TASP1: variants seen among roughly 807,000 people sequenced by gnomAD.
The protein encoded by TASP1 is threonine aspartase 1.
TASP1 carries 16 observed loss-of-function variants against 56.6 expected under a neutral mutation model. The ratio of observed to expected loss-of-function variants is 0.28; its 90% confidence interval spans 0.19 to 0.43. The LOEUF (loss-of-function observed/expected upper bound fraction) is 0.43. TASP1 is among the 20% of genes least tolerant of loss of function. TASP1 has a pLI of 1.00. For synonymous variants in TASP1, 179 were observed against 184.2 expected, an observed-to-expected ratio of 0.97 and a Z score of 0.23; for missense variants, 393 against 511.6, an observed-to-expected ratio of 0.77 and a Z score of 2.24.
chr20:13,297,711 G>A, the TASP1 span, among the ~76,000 whole-genome samples: 2 of 152,168 alleles, frequency 1.3e-5, no homozygotes, highest in African/African-American at 2.4e-5. Context: ...AGCATAATTC[G>A]ATCTTTTGGT....
intron 4 of TASP1, among the ~76,000 whole-genome samples, chr20:13,604,987 C>CATATATATAT (rs3042652): frequency 1.2e-3 from 173 of 140,462 alleles, no homozygotes; most frequent in Non-Finnish European, 2.1e-3. Context: ...AGACATAATA[C>CATATATATAT]ATATATATAT....
intron 11 of TASP1, among the ~76,000 whole-genome samples, chr20:13,447,415 G>A (rs953778619): frequency 2.6e-5 from 4 of 152,124 alleles, no homozygotes; most frequent in East Asian, 1.9e-4. Context: ...TTACAGTAAG[G>A]CAACCCCCAA....
chr20:13,139,805 CATAA>C, the TASP1 span, among the ~76,000 whole-genome samples: 3 of 152,162 alleles, frequency 2.0e-5, no homozygotes, highest in Admixed American at 6.5e-5. Flanking sequence ...CTATTTTCTT[CATAA>C]ATAAACTCTT....
At position 13,390,317 on chromosome 20, in the gene TASP1, G is replaced by C. The variant is rs1200229907; in HGVS notation, c.*43C>G. 2 of 1,567,346 alleles carry C rather than the reference G, an allele frequency of 1.3e-6. No individual in the cohort carries two copies. Among genetic ancestry groups the C allele is most frequent in the Non-Finnish European group, 1.8e-6 (2 of 1,141,524 alleles). On this transcript the variant is annotated 3_prime_UTR_variant, in exon 14 of 14. Coordinates refer to ENST00000337743, the MANE Select transcript of TASP1 (RefSeq NM_017714.3). Reference sequence around the variant, plus strand: ...CAGTTAAAAACCCCCAAAAGCTCAGGTTCTGAAATGCCTCTGAGACGCTTC... The same window carrying C: ...CAGTTAAAAACCCCCAAAAGCTCAGCTTCTGAAATGCCTCTGAGACGCTTC...
At chr20:13,282,796 A>G in the TASP1 span, among the ~76,000 whole-genome samples, 1 of 152,176 alleles carries the variant, frequency 6.6e-6, no homozygotes, top group Non-Finnish European at 1.5e-5. Context: ...GTTAAAATGC[A>G]CCTTCGATGC....
chr20:13,602,210 C>T (rs1247862248), intron 4 of TASP1, among the ~76,000 whole-genome samples: 1 of 151,978 alleles, frequency 6.6e-6, no homozygotes, highest in Admixed American at 6.6e-5. Context: ...ATGACAAAAA[C>T]ATCATACAAA....
At chr20:13,533,929 A>G in intron 9 of TASP1, 93 bp downstream of exon 9, 2 of 1,399,000 alleles carry the variant, frequency 1.4e-6, no homozygotes, top group South Asian at 2.8e-5. Context: ...ATTTTTTCTA[A>G]AGAAAAAATG....
At chr20:13,117,315 T>A in the TASP1 span, among the ~76,000 whole-genome samples, 1 of 152,224 alleles carries the variant, frequency 6.6e-6, no homozygotes, top group Admixed American at 6.5e-5. Context: ...AATTATTTTA[T>A]CCAAGTAGCA....
chr20:13,553,801 G>A (rs191253506), intron 8 of TASP1, among the ~76,000 whole-genome samples: 121 of 152,230 alleles, frequency 7.9e-4, no homozygotes, highest in African/African-American at 2.8e-3. Context: ...GCTATACACT[G>A]TAAACGACCT....
At chr20:13,508,479 G>A (rs574687520) in intron 10 of TASP1, among the ~76,000 whole-genome samples, 5 of 152,046 alleles carry the variant, frequency 3.3e-5, no homozygotes, top group Non-Finnish European at 7.4e-5. Flanking sequence ...TCAGATTAGG[G>A]ATGCTCAACT....
intron 10 of TASP1, among the ~76,000 whole-genome samples, chr20:13,510,143 CT>C (rs1269609980): frequency 6.6e-6 from 1 of 150,896 alleles, no homozygotes; most frequent in Non-Finnish European, 1.5e-5. Flanking sequence ...CTTTTCTAGA[CT>C]TAAAAAAAAA....
chr20:13,515,010 T>C (rs1318895598), intron 10 of TASP1, among the ~76,000 whole-genome samples: 1 of 152,178 alleles, frequency 6.6e-6, no homozygotes, highest in African/African-American at 2.4e-5. Flanking sequence ...CCAGCCATCA[T>C]GAACAGAGCT....
At chr20:13,189,502 G>C in the TASP1 span, among the ~76,000 whole-genome samples, 1 of 152,070 alleles carries the variant, frequency 6.6e-6, no homozygotes. Flanking sequence ...GACATAAATA[G>C]ACACTTCTCA....
the TASP1 span, among the ~76,000 whole-genome samples, chr20:13,375,180 C>T: frequency 1.3e-5 from 2 of 152,078 alleles, no homozygotes; most frequent in Non-Finnish European, 2.9e-5. Context: ...GTTTGCTGCA[C>T]CCATCAACCC....
At chr20:13,460,829 T>C (rs1262746768) in intron 11 of TASP1, among the ~76,000 whole-genome samples, 1 of 152,156 alleles carries the variant, frequency 6.6e-6, no homozygotes, top group East Asian at 1.9e-4. Context: ...CTTAACTGAA[T>C]TAGCCTAATA....
At chr20:13,405,623 T>C (rs888175660) in intron 13 of TASP1, among the ~76,000 whole-genome samples, 2 of 152,072 alleles carry the variant, frequency 1.3e-5, no homozygotes, top group African/African-American at 4.8e-5. Flanking sequence ...CTCGGCTCAC[T>C]GCAACCTCCG....
intron 4 of TASP1, among the ~76,000 whole-genome samples, chr20:13,594,089 T>G (rs1217791690): frequency 6.6e-6 from 1 of 152,222 alleles, no homozygotes. Context: ...AAACAGGGTC[T>G]GGAGTGGACC....
At chr20:13,153,709 T>C in the TASP1 span, among the ~76,000 whole-genome samples, 8 of 152,260 alleles carry the variant, frequency 5.3e-5, no homozygotes, top group Non-Finnish European at 7.4e-5. Flanking sequence ...ACAGAGTCTA[T>C]ACAAAATAGA....
At chr20:13,217,007 C>A in the TASP1 span, among the ~76,000 whole-genome samples, 1 of 152,174 alleles carries the variant, frequency 6.6e-6, no homozygotes, top group Non-Finnish European at 1.5e-5. Flanking sequence ...TTTTGGGGAA[C>A]ACAGAACAGC....
Sources: gnomAD v4.1 joint callset for allele counts (sites outside exome capture counted in the v4.1 genomes callset) on GRCh38, gnomAD v4.1.1 for gene constraint, MANE v1.5 for transcripts, NCBI Gene and HGNC (gene_info 2026-07-23, HGNC 2026-07-21) for gene names.